Variants in NF1 observed in about 807,000 individuals in gnomAD.
NF1 encodes the protein neurofibromin 1, also known as neurofibromin.
In NF1, 122 loss-of-function variants were observed where a neutral mutation model predicts 325.7. The ratio of observed to expected loss-of-function variants is 0.37; its 90% CI spans 0.32 to 0.44. The LOEUF is 0.44. NF1 is among the 20% of genes least tolerant of loss of function. The probability of loss-of-function intolerance (pLI) is 1.00; values close to 1 mark genes in which losing one functional copy is unlikely to be tolerated. For missense variants in NF1, 2,140 were observed against 3,415.4 expected, an observed-to-expected ratio of 0.63 and a Z score of 9.31; for synonymous variants, 1,091 against 1,186.0, an observed-to-expected ratio of 0.92 and a Z score of 1.65.
chr17:31,314,348 C>T (rs2151521130), intron 36 of NF1: 2 of 201,238 alleles, frequency 9.9e-6, no homozygotes, highest in East Asian at 2.2e-4. Flanking sequence ...AGAAGAAAAG[C>T]TGCCAGTTGG....
chr17:31,163,137 T>C (rs774909376), intron 3 of NF1, 49 bp from the exon 4 acceptor site: 1 of 1,587,568 alleles, frequency 6.3e-7, no homozygotes, highest in Non-Finnish European at 8.6e-7. Context: ...ATAGAAAATG[T>C]TTACAGGTAA....
At chr17:31,360,733 G>T in intron 57 of NF1, 30 bp downstream of exon 57, 2 of 1,565,008 alleles carry the variant, frequency 1.3e-6, no homozygotes, top group South Asian at 2.2e-5. Context: ...ATATGACTTT[G>T]AGCAACAATA....
In NF1 at chr17:31,343,009, A is replaced by C; in HGVS notation, c.7063A>C (p.Ser2355Arg). ...ACCATCTCATGATTATCTTTAATAG[A>C]GTCCAGAGGAAGTATTTATGGCAAT... The part of the protein sequence containing the change: ...LDSLRIFNDK[S>R]PEEVFMAIRN... The change falls in exon 48 of 58, where the codon AGT becomes CGT. Residue 2355 changes from serine to arginine, a missense_variant and splice_region_variant. Physicochemically the swap from Ser to Arg is moderately radical, Grantham distance 110 (BLOSUM62 -1). This residue lies in a region of NF1 where 522 missense variants were observed against 749.0 expected (regional missense o/e 0.70). Transcript: ENST00000358273. 1 of 1,614,142 alleles carries C rather than the reference A, an allele frequency of 6.2e-7. No individual in the cohort carries two copies. Among genetic ancestry groups the C allele is most frequent in the African/African-American group, 1.3e-5 (1 of 75,064 alleles).
intron 36 of NF1, among the ~76,000 whole-genome samples, chr17:31,271,223 T>C (rs1173333033): frequency 1.3e-5 from 2 of 152,224 alleles, no homozygotes; most frequent in South Asian, 2.1e-4. Context: ...ATTCCAGGCA[T>C]CTGATTTACA....
At chr17:31,349,835 G>A (rs1195425567) in intron 49 of NF1, among the ~76,000 whole-genome samples, 3 of 152,162 alleles carry the variant, frequency 2.0e-5, no homozygotes, top group Admixed American at 2.0e-4. Flanking sequence ...TTGTTTGATA[G>A]AAAGTGCTGA....
intron 1 of NF1, among the ~76,000 whole-genome samples, chr17:31,096,719 A>G (rs1296745994): frequency 6.6e-6 from 1 of 152,206 alleles, no homozygotes; most frequent in Admixed American, 6.5e-5. Flanking sequence ...CTACCTGGAA[A>G]ATATCTTGGA....
chr17:31,342,886 A>G, intron 47 of NF1, 123 bp from the exon 48 acceptor site: 1 of 1,275,118 alleles, frequency 7.8e-7, no homozygotes, highest in South Asian at 1.2e-5. Context: ...TCAACTGAAA[A>G]TAATTTCTCT....
rs200680015 is a variant in NF1, at chr17:31,177,110, C to T, written c.587-4312C>T. On this transcript the variant is annotated intron_variant, in intron 5 of 57. Transcript: ENST00000358273. ...TTGCTTTGGGCAGTACGGCCATTTTCACGATATTGATTCTTCCTATCGATG... is the reference window on the plus strand; with the variant it reads ...TTGCTTTGGGCAGTACGGCCATTTTTACGATATTGATTCTTCCTATCGATG... Among the ~76,000 whole-genome samples, 11 of 152,250 alleles carry T rather than the reference C, an allele frequency of 7.2e-5. No homozygotes were observed. In the East Asian group the frequency reaches 1.9e-3, roughly 27 times the overall value.
At chr17:31,103,487 C>T (rs12940474) in intron 1 of NF1, among the ~76,000 whole-genome samples, 79,493 of 151,952 alleles carry the variant, frequency 0.52, 25,331 homozygotes, top group Middle Eastern at 0.75. Context: ...TGAGGTGATC[C>T]GCCCGCTTCA....
chr17:31,095,420 A>C (rs1372050778), intron 1 of NF1, 51 bp downstream of exon 1: 3 of 1,501,526 alleles, frequency 2.0e-6, no homozygotes, highest in African/African-American at 2.8e-5. Flanking sequence ...GGGTGGGGAC[A>C]GAGTAGGTGA....
intron 5 of NF1, among the ~76,000 whole-genome samples, chr17:31,171,854 A>G (rs2065932678): frequency 6.6e-6 from 1 of 152,196 alleles, no homozygotes; most frequent in African/African-American, 2.4e-5. Context: ...GATTACAAAA[A>G]TTAATAAAAT....
chr17:31,181,338 C>A, intron 5 of NF1, 84 bp from the exon 6 acceptor site: 3 of 1,272,430 alleles, frequency 2.4e-6, no homozygotes, highest in African/African-American at 1.5e-5. Flanking sequence ...AAAAGTAATA[C>A]GTAAATGGAA....
At chr17:31,261,196 TC>T (rs926051839) in intron 34 of NF1, among the ~76,000 whole-genome samples, 36 of 150,074 alleles carry the variant, frequency 2.4e-4, no homozygotes, top group Non-Finnish European at 4.6e-4. Context: ...TGATCCAAGA[TC>T]GCACAATTGT....
intron 1 of NF1, among the ~76,000 whole-genome samples, chr17:31,124,235 A>T (rs1914674044): frequency 6.6e-6 from 1 of 151,762 alleles, no homozygotes; most frequent in African/African-American, 2.4e-5. Context: ...TTTTATTTTT[A>T]ATTTTTTTTT....
intron 54 of NF1, 51 bp downstream of exon 54, chr17:31,357,420 A>G: frequency 1.4e-6 from 2 of 1,411,404 alleles, no homozygotes; most frequent in Non-Finnish European, 2.0e-6. Flanking sequence ...TCTTTAAGTT[A>G]AATGCTTACC....
At chr17:31,164,753 A>C (rs865795269) in intron 4 of NF1, among the ~76,000 whole-genome samples, 6 of 152,222 alleles carry the variant, frequency 3.9e-5, no homozygotes, top group African/African-American at 1.2e-4. Flanking sequence ...TTCTATAATT[A>C]AGATCCTAGG....
At chr17:31,360,257 A>G in intron 56 of NF1, 1 of 550,410 alleles carries the variant, frequency 1.8e-6, no homozygotes, top group Middle Eastern at 5.0e-4. Context: ...TGTCTTGTGC[A>G]TGGCTTTCAG....
chr17:31,288,578 C>T (rs1293038031), intron 36 of NF1, among the ~76,000 whole-genome samples: 1 of 148,464 alleles, frequency 6.7e-6, no homozygotes, highest in African/African-American at 2.5e-5. Flanking sequence ...CTCTTGTCAC[C>T]CAGGCTGGAG....
At chr17:31,181,606 A>G in intron 6 of NF1, 104 bp from the exon 7 acceptor site, 1 of 1,288,666 alleles carries the variant, frequency 7.8e-7, no homozygotes, top group Non-Finnish European at 1.1e-6. Context: ...ATTTTCAGGA[A>G]GAATACATTG....
Sources: allele counts gnomAD v4.1 joint callset (sites outside exome capture counted in the v4.1 genomes callset), GRCh38; gene constraint gnomAD v4.1.1; regional missense constraint gnomAD v4.1.1; transcripts MANE v1.5; gene names NCBI Gene and HGNC (gene_info 2026-07-23, HGNC 2026-07-21).